Variants in BDP1 observed in about 807,000 individuals in gnomAD.
BDP1 encodes the protein BDP1 general transcription factor IIIB subunit.
BDP1 carries 169 observed loss-of-function variants against 266.6 expected under a neutral mutation model. The ratio of observed to expected loss-of-function variants is 0.63; its 90% CI spans 0.56 to 0.72. The LOEUF is 0.72. Among genes scored for constraint, BDP1 ranks in the 30% least tolerant of loss-of-function variants. BDP1 has a pLI of 0.00. For missense variants in BDP1, 3,015 were observed against 3,053.8 expected, an observed-to-expected ratio of 0.99 and a Z score of 0.30; for synonymous variants, 1,090 against 1,022.4, an observed-to-expected ratio of 1.07 and a Z score of -1.26.
At chr5:71,557,541 C>T (rs997022458) in intron 36 of BDP1, among the ~76,000 whole-genome samples, 5 of 151,938 alleles carry the variant, frequency 3.3e-5, no homozygotes, top group East Asian at 1.9e-4. Flanking sequence ...CCTGCCACCA[C>T]GCCCAGCTAA....
At chr5:71,549,128 C>T (rs910167404) in intron 33 of BDP1, among the ~76,000 whole-genome samples, 1 of 152,110 alleles carries the variant, frequency 6.6e-6, no homozygotes, top group Non-Finnish European at 1.5e-5. Context: ...ATCCCATCTA[C>T]TTGGGAGACT....
intron 37 of BDP1, 37 bp downstream of exon 37, chr5:71,560,274 C>G (rs1743541711): frequency 6.3e-7 from 1 of 1,596,626 alleles, no homozygotes; most frequent in Non-Finnish European, 8.5e-7. Context: ...GTTTTGCTCT[C>G]TGTCTTAATA....
intron 7 of BDP1, among the ~76,000 whole-genome samples, chr5:71,481,185 A>AG (rs1243545014): frequency 2.3e-4 from 35 of 152,000 alleles, no homozygotes; most frequent in African/African-American, 7.7e-4. Flanking sequence ...AAAAAAAAAA[A>AG]TGAAATCACA....
intron 24 of BDP1, 141 bp from the exon 25 acceptor site, chr5:71,523,798 C>T: frequency 3.8e-6 from 3 of 789,424 alleles, no homozygotes; most frequent in African/African-American, 1.7e-5. Context: ...TTTATTTTCA[C>T]AGCATAAGAT....
At chr5:71,513,126 A>C in intron 18 of BDP1, 59 bp from the exon 19 acceptor site, 1 of 1,214,630 alleles carries the variant, frequency 8.2e-7, no homozygotes, top group Non-Finnish European at 1.2e-6. Flanking sequence ...TTGTACTGAG[A>C]CTCCGTTTCC....
chr5:71,459,158 C>G (rs575174331), intron 2 of BDP1, among the ~76,000 whole-genome samples: 22 of 152,086 alleles, frequency 1.4e-4, no homozygotes, highest in Non-Finnish European at 2.8e-4. Flanking sequence ...TAAAATAAAC[C>G]TTCAGTCTGA....
At position 71,560,189 on chromosome 5, in the gene BDP1, C is replaced by G. The variant is rs529987061; in HGVS notation, c.7448C>G (p.Ser2483Cys). 41 of 1,614,082 alleles carry G rather than the reference C, an allele frequency of 2.5e-5. No homozygotes were observed. In the South Asian group the frequency reaches 4.3e-4, roughly 17 times the overall value. ...KEERTDAAPK[S>C]QQMDSRTSSS... ...GAAAGAACTGATGCTGCTCCTAAGT[C>G]TCAGCAAATGGATAGCAGAACATCG... The change falls in exon 37 of 39, where the codon TCT becomes TGT. Residue 2483 changes from serine (S) to cysteine (C), a missense_variant. Physicochemically the swap from Ser to Cys is moderately radical, Grantham distance 112. Around this residue, in one of 3 missense-constraint regions of BDP1, gnomAD observed 629 missense variants for 632.5 expected, o/e 0.99. Transcript: ENST00000358731.
intron 4 of BDP1, 152 bp from the exon 5 acceptor site, chr5:71,465,944 C>T (rs1026458469): frequency 1.5e-5 from 10 of 678,926 alleles, no homozygotes; most frequent in African/African-American, 3.8e-5. Context: ...CCTCTAATTG[C>T]GTCCTTAATA....
intron 12 of BDP1, among the ~76,000 whole-genome samples, chr5:71,496,470 C>T (rs1763900901): frequency 7.4e-6 from 1 of 135,486 alleles, no homozygotes; most frequent in African/African-American, 2.7e-5. Flanking sequence ...CAGGGTTGCA[C>T]TCTGTTGCCC....
intron 1 of BDP1, 68 bp downstream of exon 1, chr5:71,456,157 G>A: frequency 3.4e-6 from 5 of 1,462,554 alleles, no homozygotes; most frequent in Non-Finnish European, 4.7e-6. Flanking sequence ...TGGAAGCTGA[G>A]CAAATGAATT....
intron 2 of BDP1, among the ~76,000 whole-genome samples, chr5:71,461,570 C>A (rs1311653347): frequency 6.6e-6 from 1 of 151,958 alleles, no homozygotes; most frequent in Non-Finnish European, 1.5e-5. Flanking sequence ...GCTATGATTG[C>A]GCCACTGCAC....
Position 71,470,601 on chromosome 5 carries a change from T to C in BDP1, c.1014+112T>C, listed in dbSNP as rs1302851988. On this transcript the variant is annotated intron_variant, in intron 7 of 38. Coordinates refer to ENST00000358731, the MANE Select transcript of BDP1 (RefSeq NM_018429.3). ...ATCTTAGTTCATCTTTTTTTTTTTT[T>C]TCATTGAGACAGAGTTTCACTTTGT... 11 of 726,434 alleles carry C rather than the reference T, an allele frequency of 1.5e-5. No homozygotes were observed. In the African/African-American group the frequency reaches 1.8e-4, roughly 12 times the overall value. 45.0% of individuals were successfully genotyped at this position (726,434 alleles called of 1,614,324 possible).
Position 71,491,124 on chromosome 5 carries a change from T to G in BDP1, c.1633T>G (p.Ser545Ala). 1.2e-6 allele frequency: 2 copies of G among 1,613,652 alleles called. No homozygotes were observed. Among genetic ancestry groups the G allele is most frequent in the Non-Finnish European group, 1.7e-6 (2 of 1,179,798 alleles). The change falls in exon 11 of 39, where the codon TCA becomes GCA. Residue 545 changes from serine (S) to alanine (A), a missense_variant. Around this residue, in one of 3 missense-constraint regions of BDP1, gnomAD observed 2,383 missense variants for 2,404.9 expected, o/e 0.99. Transcript: ENST00000358731. The stretch of plus-strand genomic sequence containing the variant: ...TGAGAAAAGAACTGACCCCATCCTT[T>G]CATTAAGGTATTTTCTGTGTCTTTT... ...KVEKRTDPIL[S>A]LSNQQDATSV...
chr5:71,545,284 T>A, intron 32 of BDP1, 65 bp downstream of exon 32: 4 of 1,352,388 alleles, frequency 3.0e-6, no homozygotes, highest in Non-Finnish European at 4.1e-6. Context: ...AAAAAAAAGG[T>A]ATAATTTACA....
chr5:71,505,025 A>AT (rs1561719661), intron 16 of BDP1, among the ~76,000 whole-genome samples: 1 of 152,002 alleles, frequency 6.6e-6, no homozygotes, highest in Non-Finnish European at 1.5e-5. Flanking sequence ...TTTACTTTTT[A>AT]TTTTTTGAGA....
intron 16 of BDP1, among the ~76,000 whole-genome samples, 177 bp downstream of exon 16, chr5:71,504,928 A>G (rs1179377386): frequency 6.6e-6 from 1 of 152,196 alleles, no homozygotes; most frequent in African/African-American, 2.4e-5. Context: ...CTTTATGTGA[A>G]TTTCTCAGAT....
chr5:71,531,355 C>T (rs1766235499), intron 25 of BDP1, among the ~76,000 whole-genome samples: 1 of 152,092 alleles, frequency 6.6e-6, no homozygotes. Context: ...TTACACGGCT[C>T]TTTAAGTAAT....
intron 7 of BDP1, among the ~76,000 whole-genome samples, chr5:71,475,155 G>C (rs1442725251): frequency 1.3e-5 from 2 of 151,990 alleles, no homozygotes; most frequent in Non-Finnish European, 2.9e-5. Context: ...CATGATTACG[G>C]CTCACTGCAG....
chr5:71,553,450 T>C, intron 35 of BDP1, 130 bp downstream of exon 35: 1 of 598,836 alleles, frequency 1.7e-6, no homozygotes, highest in Non-Finnish European at 2.8e-6. Flanking sequence ...TTCTGACATT[T>C]ATCATCATAA....
Sources: gnomAD v4.1 joint callset for allele counts (sites outside exome capture counted in the v4.1 genomes callset) on GRCh38, gnomAD v4.1.1 for gene constraint, gnomAD v4.1.1 regional missense constraint, MANE v1.5 for transcripts, NCBI Gene and HGNC (gene_info 2026-07-23, HGNC 2026-07-21) for gene names.